The following SCUBE1 variants were observed in gnomAD, a reference collection of about 807,000 sequenced individuals.
The protein encoded by SCUBE1 is signal peptide, CUB and EGF-like domain-containing protein 1.
Under a neutral mutation model 124.4 loss-of-function variants are expected in SCUBE1, and 59 were observed. The observed-to-expected ratio is 0.47, with a 90% CI of 0.38 to 0.59. The LOEUF is 0.59. Among genes scored for constraint, SCUBE1 ranks in the 20% least tolerant of loss-of-function variants. The pLI, the probability that SCUBE1 is intolerant of heterozygous loss-of-function variation, is 0.00. For synonymous variants in SCUBE1, 545 were observed against 550.9 expected (o/e 0.99, Z 0.15); for missense variants, 1,150 against 1,371.2 (o/e 0.84, Z 2.55).
chr22:43,214,047 G>GGGGGGGCCCCCCCCCCCC, intron 16 of SCUBE1, 43 bp downstream of exon 16: 1 of 143,440 alleles, frequency 7.0e-6, no homozygotes, highest in East Asian at 2.8e-4. Context: ...AGGAGCCCCC[G>GGGGGGGCCCCCCCCCCCC]CCCACCCCCC....
At chr22:43,283,060 T>C (rs529224632) in intron 4 of SCUBE1, 1 of 152,388 alleles carries the variant, frequency 6.6e-6, no homozygotes, top group Non-Finnish European at 1.5e-5. Context: ...CAGCTTCCTC[T>C]GCCTTGAACA....
intron 3 of SCUBE1, among the ~76,000 whole-genome samples, chr22:43,305,961 G>A (rs1398811536): frequency 1.3e-5 from 2 of 152,216 alleles, no homozygotes; most frequent in Non-Finnish European, 2.9e-5. Context: ...GATGAGGTGG[G>A]TGACAGGGAG....
chr22:43,270,429 T>C (rs1569004099), intron 4 of SCUBE1: 1 of 152,260 alleles, frequency 6.6e-6, no homozygotes, highest in African/African-American at 2.4e-5. Flanking sequence ...GTGAGGGGGC[T>C]GAACCCAGCG....
chr22:43,243,079 G>T (rs546356610), intron 6 of SCUBE1, among the ~76,000 whole-genome samples: 1 of 152,354 alleles, frequency 6.6e-6, no homozygotes, highest in East Asian at 1.9e-4. Context: ...CCTTCTAAGG[G>T]CGGGGTCCTG....
At chr22:43,341,860 C>G (rs987542373) in intron 1 of SCUBE1, among the ~76,000 whole-genome samples, 2 of 151,860 alleles carry the variant, frequency 1.3e-5, no homozygotes, top group African/African-American at 4.8e-5. Flanking sequence ...GTGGAGGAGA[C>G]AGAGTCAGAT....
rs188093496 is a variant in SCUBE1 at position 43,227,890 on chromosome 22, C to A, written c.1085-394G>T. Among the ~76,000 whole-genome samples the A allele has an allele frequency of 4.7e-4, 71 of 152,278 alleles. 1 individual carries two copies. The highest frequency in any genetic ancestry group is 7.4e-5 in the Non-Finnish European group (5 of 68,010). On this transcript the variant is annotated intron_variant, in intron 9 of 21. Transcript: ENST00000360835. ...CAAGCCCTTTTCTAGCCCCGGGTCC[C>A]CTGTGGTACAACAGACACCAGGGTG...
At position 43,343,253 on chromosome 22, in the gene SCUBE1, C is replaced by A. The variant is rs1265902347; in HGVS notation, c.9G>T (p.Ala3=). The A allele has an allele frequency of 2.5e-6, 3 of 1,177,578 alleles. No homozygotes were observed. The highest frequency in any genetic ancestry group is 1.6e-5 in the African/African-American group (1 of 61,358). 72.9% of individuals were successfully genotyped at this position (1,177,578 alleles called of 1,614,324 possible). The change falls in exon 1 of 22, where the codon GCG becomes GCT. Residue 3 remains alanine (A), a synonymous_variant. Transcript: ENST00000360835. ...CGCACAAGTGCCAGCGCACGGCCGC[C>A]GCGCCCATGCTCAATGCGGGCCCCG... MG[A]AAVRWHLCVL... is the part of the protein sequence containing the mutation.
chr22:43,238,388 C>A, intron 7 of SCUBE1: 1 of 362,032 alleles, frequency 2.8e-6, no homozygotes, highest in Non-Finnish European at 5.1e-6. Flanking sequence ...CTGTGTGTCC[C>A]AGATGGCCCA....
At chr22:43,229,272 A>G in intron 8 of SCUBE1, 84 bp from the exon 9 acceptor site, 1 of 960,496 alleles carries the variant, frequency 1.0e-6, no homozygotes, top group South Asian at 1.3e-5. Flanking sequence ...CAGTCACTCA[A>G]GGCACATCTG....
intron 12 of SCUBE1, 74 bp from the exon 13 acceptor site, chr22:43,221,363 CA>C: frequency 1.3e-6 from 1 of 785,482 alleles, no homozygotes; most frequent in South Asian, 1.5e-5. Flanking sequence ...CGGGGGCTGC[CA>C]GGGGACAAAT....
At chr22:43,272,123 T>G (rs977269967) in intron 4 of SCUBE1, among the ~76,000 whole-genome samples, 1 of 152,172 alleles carries the variant, frequency 6.6e-6, no homozygotes, top group African/African-American at 2.4e-5. Flanking sequence ...AAGGGAACTC[T>G]GCTCCTCTCG....
At chr22:43,328,991 C>A (rs1926816783) in intron 2 of SCUBE1, among the ~76,000 whole-genome samples, 1 of 152,250 alleles carries the variant, frequency 6.6e-6, no homozygotes, top group Non-Finnish European at 1.5e-5. Flanking sequence ...CCAGACTCTA[C>A]CTTCCTCACC....
intron 15 of SCUBE1, among the ~76,000 whole-genome samples, chr22:43,214,593 C>A (rs11912219): frequency 0.012 from 1,765 of 152,338 alleles, 35 homozygotes; most frequent in African/African-American, 0.04. Context: ...TAGCAAACTG[C>A]CTCCTGGATG....
At chr22:43,294,959 C>T (rs1239941185) in intron 3 of SCUBE1, among the ~76,000 whole-genome samples, 1 of 152,178 alleles carries the variant, frequency 6.6e-6, no homozygotes, top group Non-Finnish European at 1.5e-5. Context: ...CAGCTCCACA[C>T]CGGGGGCATT....
At chr22:43,342,964 G>T (rs1927377025) in intron 1 of SCUBE1, among the ~76,000 whole-genome samples, 1 of 147,172 alleles carries the variant, frequency 6.8e-6, no homozygotes, top group African/African-American at 2.5e-5. Context: ...CACCCCTGGT[G>T]CGGCCCCGCC....
chr22:43,317,773 C>T (rs905144369), intron 3 of SCUBE1, among the ~76,000 whole-genome samples: 2 of 152,208 alleles, frequency 1.3e-5, no homozygotes, highest in Non-Finnish European at 1.5e-5. Flanking sequence ...ATGTTGGATT[C>T]GCAGCTCCCA....
rs1227031848 is a variant in SCUBE1, at chr22:43,220,482, A to C, written c.1655T>G (p.Phe552Cys). The part of the protein sequence containing the change: ...SKEVSHITAE[F>C]EIETKMEEAS... ...CTCTTCCATCTTTGTCTCGATCTCA[A>C]ACTCTGCTGTGATGTGGGACACCTC... The change falls in exon 14 of 22, where the codon TTT becomes TGT. Residue 552 changes from phenylalanine (F) to cysteine (C), a missense_variant. Phe to Cys is a radical substitution (Grantham distance 205, BLOSUM62 -2). Coordinates refer to ENST00000360835, the MANE Select transcript of SCUBE1 (RefSeq NM_173050.5). 1 of 1,614,010 alleles carries C rather than the reference A, an allele frequency of 6.2e-7. No individual in the cohort carries two copies. Among genetic ancestry groups the C allele is most frequent in the Admixed American group, 1.7e-5 (1 of 60,020 alleles).
At chr22:43,213,917 T>C (rs1921683719) in intron 16 of SCUBE1, among the ~76,000 whole-genome samples, 173 bp downstream of exon 16, 2 of 152,288 alleles carry the variant, frequency 1.3e-5, no homozygotes, top group South Asian at 4.1e-4. Flanking sequence ...ACTTTGTAAG[T>C]GATGACTGCA....
chr22:43,336,307 C>T (rs950124772), intron 2 of SCUBE1, among the ~76,000 whole-genome samples: 9 of 152,132 alleles, frequency 5.9e-5, no homozygotes, highest in Non-Finnish European at 1.2e-4. Flanking sequence ...TGTCTCATTG[C>T]ACAGGGTCAA....
Sources: gnomAD v4.1 joint callset for allele counts (sites outside exome capture counted in the v4.1 genomes callset) on GRCh38, gnomAD v4.1.1 for gene constraint, MANE v1.5 for transcripts, NCBI Gene and HGNC (gene_info 2026-07-23, HGNC 2026-07-21) for gene names.